Variants in TAF4 observed in about 807,000 individuals in gnomAD.
TAF4 encodes transcription initiation factor TFIID subunit 4.
In TAF4, 9 loss-of-function variants were observed where a neutral mutation model predicts 90.3. That is an observed-to-expected ratio of 0.10 (90% CI 0.06 to 0.17). The LOEUF is 0.17. TAF4 is among the 10% of genes least tolerant of loss of function. The probability of loss-of-function intolerance (pLI) is 1.00; values close to 1 mark genes in which losing one functional copy is unlikely to be tolerated. For synonymous variants in TAF4, 818 were observed against 638.9 expected (o/e 1.28, Z -4.23); for missense variants, 1,351 against 1,370.7 (o/e 0.99, Z 0.23).
intron 1 of TAF4, among the ~76,000 whole-genome samples, chr20:62,053,553 C>T (rs115548198): frequency 0.015 from 2,234 of 152,326 alleles, 28 homozygotes; most frequent in African/African-American, 0.03. Flanking sequence ...AAGCGGCATC[C>T]GTGCACCTCA....
chr20:62,029,486 G>GCGCACACACACACA (rs148456376), intron 1 of TAF4, among the ~76,000 whole-genome samples: 77 of 146,182 alleles, frequency 5.3e-4, no homozygotes, highest in African/African-American at 1.9e-3. Context: ...GCGCGCGCGC[G>GCGCACACACACACA]CACACACACA....
chr20:62,049,229 C>A (rs751331380), intron 1 of TAF4, among the ~76,000 whole-genome samples: 26 of 152,160 alleles, frequency 1.7e-4, no homozygotes, highest in Non-Finnish European at 3.4e-4. Flanking sequence ...CAGGATGTGC[C>A]GAGACCCTGC....
intron 7 of TAF4, 110 bp from the exon 8 acceptor site, chr20:62,003,988 G>A: frequency 7.4e-7 from 1 of 1,352,514 alleles, no homozygotes; most frequent in Non-Finnish European, 9.8e-7. Context: ...CACGCCCCCA[G>A]TAAGAAGTCC....
Position 62,003,857 on chromosome 20 carries a change from G to T in TAF4, c.2245C>A (p.Pro749Thr). 6.3e-7 allele frequency: 1 copy of T among 1,579,546 alleles called. No individual in the cohort carries two copies. Residue 749 changes from proline (P) to threonine (T), a missense_variant, in exon 8 of 15, where the codon CCA (proline) becomes ACA (threonine). Physicochemically the swap from Pro to Thr is conservative, Grantham distance 38. Coordinates refer to ENST00000252996, the MANE Select transcript of TAF4 (RefSeq NM_003185.4). Reference protein sequence around the residue: ...TPLVIQQPPKPGALIRPPQVT... With the variant: ...TPLVIQQPPKTGALIRPPQVT... ...TGCGGGGGCCGGATCAGGGCTCCTG[G>T]CTTCGGAGGCTGCTGGATGACCTGA...
intron 1 of TAF4, among the ~76,000 whole-genome samples, chr20:62,048,911 A>C: frequency 3.5e-5 from 2 of 56,418 alleles, no homozygotes; most frequent in Non-Finnish European, 6.5e-5. Context: ...CTGCATGCCC[A>C]CGTTGGTCAC....
chr20:62,005,935 T>A (rs1176059276), intron 7 of TAF4: 1 of 152,276 alleles, frequency 6.6e-6, no homozygotes, highest in African/African-American at 2.4e-5. Flanking sequence ...TGAAAGGGAA[T>A]GTGCTCAAAA....
chr20:62,048,079 G>A (rs561384091), intron 1 of TAF4, among the ~76,000 whole-genome samples: 1 of 152,296 alleles, frequency 6.6e-6, no homozygotes, highest in Admixed American at 6.5e-5. Context: ...GTGTGTAGAA[G>A]AAATCAAGTC....
At chr20:62,031,475 C>T (rs1442878494) in intron 1 of TAF4, among the ~76,000 whole-genome samples, 1 of 152,252 alleles carries the variant, frequency 6.6e-6, no homozygotes, top group Non-Finnish European at 1.5e-5. Context: ...GCCTTCACTT[C>T]TGCACAATTT....
At chr20:61,977,243 C>CCA (rs1169854332) in intron 14 of TAF4, among the ~76,000 whole-genome samples, 3 of 147,120 alleles carry the variant, frequency 2.0e-5, no homozygotes, top group Non-Finnish European at 4.6e-5. Context: ...GGGGCGCGCA[C>CCA]CACACACACA....
At chr20:61,995,582 A>AAGAAGTATTAGCCAAAATGTTCCAAATTT (rs2055658271) in intron 14 of TAF4, among the ~76,000 whole-genome samples, 5 of 77,506 alleles carry the variant, frequency 6.5e-5, no homozygotes, top group Middle Eastern at 9.6e-3. Context: ...AAAAAATTTG[A>AAGAAGTATTAGCCAAAATGTTCCAAATTT]GCCGGGCGCG....
chr20:62,020,786 G>A (rs1029658290), intron 1 of TAF4, among the ~76,000 whole-genome samples: 5 of 152,204 alleles, frequency 3.3e-5, no homozygotes, highest in East Asian at 1.9e-4. Flanking sequence ...CGACAGCACC[G>A]AGGCATTCCC....
intron 14 of TAF4, among the ~76,000 whole-genome samples, chr20:61,979,803 C>T (rs1247660916): frequency 6.8e-6 from 1 of 147,872 alleles, no homozygotes; most frequent in African/African-American, 2.5e-5. Flanking sequence ...CATGTGCAGG[C>T]GCCGTGGCCA....
intron 1 of TAF4, among the ~76,000 whole-genome samples, chr20:62,044,664 A>C (rs974529027): frequency 7.2e-5 from 11 of 152,226 alleles, no homozygotes; most frequent in Non-Finnish European, 1.2e-4. Context: ...CAAGTAAGTA[A>C]ATATGTTTAT....
At chr20:61,986,838 A>C (rs1217255886) in intron 14 of TAF4, among the ~76,000 whole-genome samples, 1 of 152,264 alleles carries the variant, frequency 6.6e-6, no homozygotes, top group Non-Finnish European at 1.5e-5. Context: ...AGCTCTCTTT[A>C]CAGAATTCCA....
intron 1 of TAF4, among the ~76,000 whole-genome samples, chr20:62,029,099 G>A (rs952724122): frequency 1.3e-5 from 2 of 152,002 alleles, no homozygotes; most frequent in Admixed American, 6.5e-5. Context: ...AGGAGGCTGA[G>A]GCAGGAGAAT....
intron 12 of TAF4, among the ~76,000 whole-genome samples, chr20:61,998,676 G>GT (rs28382117): frequency 1.3e-5 from 2 of 152,244 alleles, no homozygotes; most frequent in Non-Finnish European, 2.9e-5. Flanking sequence ...CAAGGACAAC[G>GT]TGAGTGTGAA....
At chr20:62,057,086 G>A (rs973880792) in intron 1 of TAF4, among the ~76,000 whole-genome samples, 4 of 152,120 alleles carry the variant, frequency 2.6e-5, no homozygotes, top group African/African-American at 7.2e-5. Context: ...AACTTTCACA[G>A]GTCATTGTCC....
At chr20:61,982,789 G>A (rs530552992) in intron 14 of TAF4, among the ~76,000 whole-genome samples, 5 of 152,256 alleles carry the variant, frequency 3.3e-5, no homozygotes, top group South Asian at 4.1e-4. Flanking sequence ...CATACACTAC[G>A]GGCTCTCAGA....
intron 1 of TAF4, among the ~76,000 whole-genome samples, chr20:62,061,520 T>C (rs1016300861): frequency 2.0e-5 from 3 of 152,222 alleles, no homozygotes; most frequent in Admixed American, 1.3e-4. Context: ...CTGAAGAAAA[T>C]GTGAATTTGC....
Sources: gnomAD v4.1 joint callset for allele counts (sites outside exome capture counted in the v4.1 genomes callset) on GRCh38, gnomAD v4.1.1 for gene constraint, MANE v1.5 for transcripts, NCBI Gene and HGNC (gene_info 2026-07-23, HGNC 2026-07-21) for gene names.